PGBD2: variants seen among roughly 807,000 people sequenced by gnomAD.
The protein encoded by PGBD2 is piggyBac transposable element-derived protein 2.
In PGBD2, 6 loss-of-function variants were observed where a neutral mutation model predicts 8.1. The ratio of observed to expected loss-of-function variants is 0.74; its 90% CI spans 0.40 to 1.46. PGBD2 has a LOEUF of 1.46. PGBD2 is among the 40% of genes most tolerant of loss of function. PGBD2 has a pLI of 0.02. For missense variants in PGBD2, 802 were observed against 739.0 expected (o/e 1.09, Z -0.99); for synonymous variants, 318 against 272.2 (o/e 1.17, Z -1.66).
At position 248,917,644 on chromosome 1, in the gene PGBD2, T is replaced by C. The variant is rs1422755516; in HGVS notation, c.1060T>C (p.Phe354Leu). 5 of 1,614,082 alleles carry C rather than the reference T, an allele frequency of 3.1e-6. No individual in the cohort carries two copies. In the South Asian group the frequency reaches 5.5e-5, roughly 18 times the overall value. Residue 354 changes from phenylalanine (F) to leucine (L), a missense_variant, in exon 3 of 3, where the codon TTC becomes CTC. By Grantham distance (22) the Phe-to-Leu change is conservative (BLOSUM62 0). Coordinates refer to ENST00000329291, the MANE Select transcript of PGBD2 (RefSeq NM_170725.3). Reference protein sequence around the residue: ...LPYHIFFDKVFTSVKLMSILR... With the variant: ...LPYHIFFDKVLTSVKLMSILR... ...ATATCACATATTTTTTGACAAGGTT[T>C]TCACAAGTGTTAAACTGATGTCCAT... is the stretch of plus-strand genomic sequence containing the variant.
chr1:248,917,992 A>G lies in PGBD2; in HGVS notation c.1408A>G (p.Ile470Val), dbSNP rs200188805. Reference sequence around the variant, plus strand: ...TGGCGTTGGTAGGATGGATCAGAATATTGCCAAGTACAAGGTGAAGATCCG... The same window carrying G: ...TGGCGTTGGTAGGATGGATCAGAATGTTGCCAAGTACAAGGTGAAGATCCG... ...VGGVGRMDQN[I>V]AKYKVKIRGM... The change falls in exon 3 of 3, where the codon ATT becomes GTT. Residue 470 changes from isoleucine to valine, a missense_variant. Physicochemically the swap from Ile to Val is conservative, Grantham distance 29. Coordinates refer to ENST00000329291, the MANE Select transcript of PGBD2 (RefSeq NM_170725.3). 1.2e-6 allele frequency: 2 copies of G among 1,614,180 alleles called. No individual in the cohort carries two copies. Among genetic ancestry groups the G allele is most frequent in the Non-Finnish European group, 1.7e-6 (2 of 1,180,038 alleles).
chr1:248,876,337 A>G, the PGBD2 span, among the ~76,000 whole-genome samples: 1 of 152,066 alleles, frequency 6.6e-6, no homozygotes, highest in Non-Finnish European at 1.5e-5. Flanking sequence ...AAACATTTTG[A>G]CTGTCCTAGG....
At chr1:248,919,593 T>G (rs1392277338), downstream of PGBD2, 1 of 167,050 alleles carries the variant, frequency 6.0e-6, no homozygotes, top group Non-Finnish European at 1.5e-5. Context: ...TTTTTTCTTT[T>G]GGATGTATAC....
chr1:248,909,764 A>G (rs12727829), intron 1 of PGBD2, among the ~76,000 whole-genome samples: 1 of 152,226 alleles, frequency 6.6e-6, no homozygotes, highest in African/African-American at 2.4e-5. Flanking sequence ...GGCAAAAGGC[A>G]CAGCACACAA....
chr1:248,920,793 T>C (rs907448591), downstream of PGBD2, among the ~76,000 whole-genome samples: 1 of 152,234 alleles, frequency 6.6e-6, no homozygotes, highest in African/African-American at 2.4e-5. Context: ...CTCCACATCC[T>C]CTCCAGCATC....
rs182602628 is a variant in PGBD2, at chr1:248,909,102, T to C, written c.-48+2760T>C. 1.3e-3 allele frequency among the ~76,000 whole-genome samples: 205 copies of C among 152,352 alleles called. 1 individual carries two copies. Among genetic ancestry groups the C allele is most frequent in the Non-Finnish European group, 1.3e-3 (90 of 68,032 alleles). On this transcript the variant is annotated intron_variant, in intron 1 of 2. Transcript: ENST00000329291. ...GATAGTGTGGCTGCCTAACAGCCTC[T>C]ATCTAGACATTATTCCCTTTGTGAG...
At chr1:248,883,198 A>G in the PGBD2 span, among the ~76,000 whole-genome samples, 2 of 152,066 alleles carry the variant, frequency 1.3e-5, no homozygotes, top group Non-Finnish European at 2.9e-5. Context: ...ATCTCGGCTC[A>G]CCACAACCTC....
intron 1 of PGBD2, among the ~76,000 whole-genome samples, chr1:248,907,906 A>C (rs1384154920): frequency 1.3e-5 from 2 of 152,154 alleles, no homozygotes; most frequent in Non-Finnish European, 2.9e-5. Context: ...TCTTTTCCCT[A>C]CAGTTAGGCA....
the PGBD2 span, among the ~76,000 whole-genome samples, chr1:248,875,837 A>C: frequency 6.6e-6 from 1 of 152,186 alleles, no homozygotes; most frequent in African/African-American, 2.4e-5. Flanking sequence ...TACTGCTGAA[A>C]TGACTAGTTT....
downstream of PGBD2, among the ~76,000 whole-genome samples, chr1:248,920,444 G>T (rs1246974322): frequency 6.6e-6 from 1 of 152,178 alleles, no homozygotes; most frequent in African/African-American, 2.4e-5. Flanking sequence ...ATGGTTTCCA[G>T]CTTCATCCAT....
chr1:248,889,918 T>TTTTTC, the PGBD2 span, among the ~76,000 whole-genome samples: 116 of 149,782 alleles, frequency 7.7e-4, 1 homozygote, highest in African/African-American at 2.6e-3. Context: ...AATCCTTTTC[T>TTTTTC]TTTTCTTTTC....
chr1:248,913,146 C>G (rs1205465024), intron 1 of PGBD2, among the ~76,000 whole-genome samples: 4 of 152,056 alleles, frequency 2.6e-5, no homozygotes, highest in Admixed American at 2.6e-4. Flanking sequence ...TCTGGTTGGC[C>G]TTCCTCTCCC....
downstream of PGBD2, chr1:248,919,389 T>G: frequency 6.0e-6 from 1 of 166,806 alleles, no homozygotes. Flanking sequence ...GACCTCCAGT[T>G]CCATTCATGT....
At chr1:248,884,275 G>A in the PGBD2 span, among the ~76,000 whole-genome samples, 3 of 151,900 alleles carry the variant, frequency 2.0e-5, no homozygotes, top group Non-Finnish European at 4.4e-5. Context: ...TCAGCCCAAC[G>A]AAACCAGTCT....
chr1:248,917,727 A>T lies in PGBD2; in HGVS notation c.1143A>T (p.Arg381=). The change falls in exon 3 of 3, where the codon CGA becomes CGT. Residue 381 remains arginine (R), a synonymous_variant. Coordinates refer to ENST00000329291, the MANE Select transcript of PGBD2 (RefSeq NM_170725.3). ...TGTVREYRTE[R]CPLKDPKELK... ...CTGTTCGTGAGTACAGGACTGAGCG[A>T]TGTCCCCTAAAAGACCCCAAAGAAC... The T allele has an allele frequency of 6.2e-7, 1 of 1,614,238 alleles. No homozygotes were observed.
downstream of PGBD2, among the ~76,000 whole-genome samples, chr1:248,922,236 T>G (rs1314276772): frequency 6.6e-6 from 1 of 152,002 alleles, no homozygotes; most frequent in Non-Finnish European, 1.5e-5. Flanking sequence ...GTTTTTTGTA[T>G]TTTTGGTAGA....
rs1221217392 is a variant in PGBD2, at chr1:248,918,316, C to G, written c.1732C>G (p.Gln578Glu). The G allele has an allele frequency of 6.3e-7, 1 of 1,582,306 alleles. No individual in the cohort carries two copies. Among genetic ancestry groups the G allele is most frequent in the Non-Finnish European group, 8.6e-7 (1 of 1,164,110 alleles). ...SQTNTRCEKC[Q>E]KGVHAKCFRE... Reference sequence around the variant, plus strand: ...GACCAACACCCGGTGTGAGAAGTGCCAGAAGGGTGTCCATGCCAAATGCTT... The same window carrying G: ...GACCAACACCCGGTGTGAGAAGTGCGAGAAGGGTGTCCATGCCAAATGCTT... The change falls in exon 3 of 3, where the codon CAG becomes GAG. Residue 578 changes from glutamine to glutamate, a missense_variant. Coordinates refer to ENST00000329291, the MANE Select transcript of PGBD2 (RefSeq NM_170725.3).
the PGBD2 span, among the ~76,000 whole-genome samples, chr1:248,877,207 G>A: frequency 1.3e-5 from 2 of 152,098 alleles, no homozygotes; most frequent in African/African-American, 2.4e-5. Flanking sequence ...ATTAGGAATT[G>A]GTGTGGTTTT....
At chr1:248,896,612 A>G in the PGBD2 span, among the ~76,000 whole-genome samples, 2 of 152,280 alleles carry the variant, frequency 1.3e-5, no homozygotes, top group East Asian at 3.9e-4. Context: ...CTAATTGGCC[A>G]TCTTGGCCCC....
Sources: allele counts gnomAD v4.1 joint callset (sites outside exome capture counted in the v4.1 genomes callset), GRCh38; gene constraint gnomAD v4.1.1; transcripts MANE v1.5; gene names NCBI Gene and HGNC (gene_info 2026-07-23, HGNC 2026-07-21).